OXR1: variants seen among roughly 807,000 people sequenced by gnomAD.
OXR1 encodes oxidation resistance protein 1.
In OXR1, 41 loss-of-function variants were observed where a neutral mutation model predicts 104.6. The observed-to-expected ratio is 0.39, with a 90% CI of 0.31 to 0.51. The LOEUF is 0.51. OXR1 is among the 20% of genes least tolerant of loss of function. The probability of loss-of-function intolerance (pLI) is 0.77; values close to 1 mark genes in which losing one functional copy is unlikely to be tolerated. For synonymous variants in OXR1, 348 were observed against 348.4 expected (o/e 1.00, Z 0.01); for missense variants, 955 against 1,031.9 (o/e 0.93, Z 1.02).
chr8:106,613,709 T>C (rs1030205458), intron 3 of OXR1, among the ~76,000 whole-genome samples: 2 of 152,208 alleles, frequency 1.3e-5, no homozygotes, highest in Non-Finnish European at 2.9e-5. Flanking sequence ...TGTTATGTCC[T>C]ATACATATCA....
intron 1 of OXR1, among the ~76,000 whole-genome samples, chr8:106,303,388 G>A (rs1057353229): frequency 1.3e-5 from 2 of 149,198 alleles, no homozygotes; most frequent in Non-Finnish European, 3.0e-5. Context: ...CGAGTAGCCC[G>A]CCACCACGCC....
chr8:106,683,398 T>C, intron 5 of OXR1, 92 bp downstream of exon 5: 1 of 545,946 alleles, frequency 1.8e-6, no homozygotes, highest in Non-Finnish European at 3.2e-6. Flanking sequence ...ATATAGAAAA[T>C]TTGAGAATAA....
chr8:106,447,953 T>C, intron 2 of OXR1: 2 of 1,535,058 alleles, frequency 1.3e-6, no homozygotes, highest in Non-Finnish European at 8.7e-7. Flanking sequence ...GGCTCACAGG[T>C]AACAGAACTC....
intron 2 of OXR1, among the ~76,000 whole-genome samples, chr8:106,515,107 A>C (rs1812774349): frequency 6.6e-6 from 1 of 152,092 alleles, no homozygotes; most frequent in Admixed American, 6.6e-5. Context: ...GGCGTGTGTA[A>C]GTGTGCTCTC....
At chr8:106,329,913 C>CAA (rs372269322) in intron 1 of OXR1, among the ~76,000 whole-genome samples, 19 of 133,316 alleles carry the variant, frequency 1.4e-4, no homozygotes, top group Admixed American at 1.4e-3. Flanking sequence ...GAACTCAATT[C>CAA]AAAAAAAAAA....
Position 106,711,433 on chromosome 8 carries a change from T to A in OXR1, c.1793+643T>A, listed in dbSNP as rs1387869229. ...TTACTTTTTCTCTTTAAACTTCTAT[T>A]TCCATAATACCACCTCACACAAACT... On this transcript the variant is annotated intron_variant, in intron 10 of 16. Coordinates refer to ENST00000517566, the MANE Select transcript of OXR1 (RefSeq NM_001198533.2). 2.0e-5 allele frequency among the ~76,000 whole-genome samples: 3 copies of A among 152,164 alleles called. No homozygotes were observed. In the East Asian group the frequency reaches 5.8e-4, roughly 29 times the overall value.
chr8:106,558,173 C>T (rs1816421564), intron 3 of OXR1, among the ~76,000 whole-genome samples: 1 of 152,206 alleles, frequency 6.6e-6, no homozygotes, highest in Non-Finnish European at 1.5e-5. Flanking sequence ...TAATGAACTC[C>T]TAATTCTAGG....
intron 2 of OXR1, among the ~76,000 whole-genome samples, chr8:106,409,214 T>G (rs533587980): frequency 7.2e-5 from 11 of 152,046 alleles, no homozygotes; most frequent in Non-Finnish European, 1.3e-4. Flanking sequence ...ATAACCCCAT[T>G]AGCTTCTCGG....
At chr8:106,330,314 G>A (rs991570349) in intron 1 of OXR1, among the ~76,000 whole-genome samples, 4 of 152,156 alleles carry the variant, frequency 2.6e-5, no homozygotes, top group South Asian at 2.1e-4. Context: ...TGGTGGGGTA[G>A]TGCAGAAGCC....
At chr8:106,448,422 C>T (rs370619059) in intron 2 of OXR1, among the ~76,000 whole-genome samples, 3 of 151,914 alleles carry the variant, frequency 2.0e-5, no homozygotes, top group African/African-American at 4.8e-5. Context: ...TTGGTGTAAG[C>T]GGTTTTAAAT....
chr8:106,682,265 C>CTTTTT (rs760684524), intron 4 of OXR1, among the ~76,000 whole-genome samples: 52 of 117,876 alleles, frequency 4.4e-4, no homozygotes, highest in African/African-American at 1.0e-3. Flanking sequence ...AGAGCTCTCT[C>CTTTTT]TTTTTTTTTT....
intron 2 of OXR1, among the ~76,000 whole-genome samples, chr8:106,429,552 T>C (rs986299400): frequency 2.0e-5 from 3 of 151,232 alleles, no homozygotes; most frequent in African/African-American, 7.3e-5. Context: ...CCCAGCTACT[T>C]GAGGAGCCTG....
intron 7 of OXR1, chr8:106,697,828 A>G: frequency 1.2e-6 from 2 of 1,612,348 alleles, no homozygotes; most frequent in Non-Finnish European, 1.7e-6. Flanking sequence ...GAGCTCACAT[A>G]ACACCGTGCC....
intron 1 of OXR1, among the ~76,000 whole-genome samples, chr8:106,350,556 A>T (rs1021553719): frequency 8.5e-5 from 13 of 152,230 alleles, no homozygotes; most frequent in African/African-American, 3.1e-4. Flanking sequence ...TAATACAAGT[A>T]AAATGACAGC....
chr8:106,539,093 G>T (rs945562742), intron 3 of OXR1, among the ~76,000 whole-genome samples: 21 of 152,088 alleles, frequency 1.4e-4, no homozygotes, highest in African/African-American at 5.1e-4. Flanking sequence ...ACTATCTTGT[G>T]GCCACTTATT....
At chr8:106,577,360 G>A (rs1347934316) in intron 3 of OXR1, among the ~76,000 whole-genome samples, 9 of 135,364 alleles carry the variant, frequency 6.6e-5, no homozygotes, top group East Asian at 2.2e-4. Context: ...ACAGGCGCCC[G>A]CCACTATGCC....
intron 2 of OXR1, among the ~76,000 whole-genome samples, chr8:106,450,505 G>T (rs1001625009): frequency 6.6e-6 from 1 of 152,146 alleles, no homozygotes; most frequent in Non-Finnish European, 1.5e-5. Context: ...ATCAAAATAC[G>T]AAGCAGGAAA....
intron 3 of OXR1, among the ~76,000 whole-genome samples, chr8:106,554,414 A>G (rs1178291403): frequency 6.6e-6 from 1 of 152,226 alleles, no homozygotes; most frequent in Non-Finnish European, 1.5e-5. Context: ...CTCCATTTTC[A>G]GGATCTAATG....
chr8:106,416,951 T>C (rs1818705487), intron 2 of OXR1, among the ~76,000 whole-genome samples: 1 of 152,134 alleles, frequency 6.6e-6, no homozygotes, highest in South Asian at 2.1e-4. Flanking sequence ...GACTCAGGAA[T>C]TATCAAGTTT....
Sources: gnomAD v4.1 joint callset for allele counts (sites outside exome capture counted in the v4.1 genomes callset) on GRCh38, gnomAD v4.1.1 for gene constraint, MANE v1.5 for transcripts, NCBI Gene and HGNC (gene_info 2026-07-23, HGNC 2026-07-21) for gene names.